The following ANK2 variants were observed in gnomAD, a reference collection of about 807,000 sequenced individuals.
ANK2 encodes the protein ankyrin 2.
Under a neutral mutation model 360.5 loss-of-function variants are expected in ANK2, and 83 were observed. That is an observed-to-expected ratio of 0.23 (90% CI 0.19 to 0.28). The LOEUF (loss-of-function observed/expected upper bound fraction) is 0.28. Ranked by LOEUF, ANK2 falls within the 10% of genes least tolerant of loss-of-function variation. The pLI is 1.00. For missense variants in ANK2, 4,201 were observed against 4,795.7 expected (o/e 0.88, Z 3.66); for synonymous variants, 1,740 against 1,759.5 (o/e 0.99, Z 0.28).
intron 2 of ANK2, among the ~76,000 whole-genome samples, chr4:112,925,146 C>T (rs2092363227): frequency 2.0e-5 from 3 of 152,186 alleles, no homozygotes; most frequent in South Asian, 4.2e-4. Context: ...CCATTTATCA[C>T]CTTTTATAAT....
At chr4:112,906,137 T>C (rs753055850) in intron 2 of ANK2, among the ~76,000 whole-genome samples, 1 of 152,184 alleles carries the variant, frequency 6.6e-6, no homozygotes, top group Non-Finnish European at 1.5e-5. Context: ...GTGATTATAG[T>C]ATGATAAAGG....
intron 1 of ANK2, among the ~76,000 whole-genome samples, chr4:112,853,366 C>CTT (rs796472445): frequency 2.7e-5 from 4 of 146,594 alleles, no homozygotes; most frequent in South Asian, 2.2e-4. Context: ...CATGCCCGGC[C>CTT]TTTTTTTTTT....
At chr4:113,290,467 T>G (rs138045280) in intron 20 of ANK2, among the ~76,000 whole-genome samples, 87 of 152,320 alleles carry the variant, frequency 5.7e-4, no homozygotes, top group Admixed American at 1.2e-3. Context: ...ACTTGTTTTA[T>G]AAGACTATTT....
At chr4:113,135,279 T>A (rs976441483) in intron 1 of ANK2, among the ~76,000 whole-genome samples, 2 of 151,864 alleles carry the variant, frequency 1.3e-5, no homozygotes, top group Non-Finnish European at 1.5e-5. Flanking sequence ...AGCAAGTGAG[T>A]GTCATAGATT....
intron 1 of ANK2, among the ~76,000 whole-genome samples, chr4:112,887,256 T>TA (rs1580539029): frequency 6.6e-6 from 1 of 152,212 alleles, no homozygotes; most frequent in Non-Finnish European, 1.5e-5. Context: ...TGCTTTGACT[T>TA]ACAATTTTTC....
chr4:113,333,296 A>ATATG lies in ANK2; in HGVS notation c.3379+90_3379+93dup, dbSNP rs1554514398. 13 of 1,387,366 alleles carry ATATG rather than the reference A, an allele frequency of 9.4e-6. 1 individual carries two copies. Among genetic ancestry groups the ATATG allele is most frequent in the Non-Finnish European group, 3.0e-6 (3 of 996,300 alleles). The allele number at this position is 1,387,366 out of a possible 1,614,324, so 85.9% of individuals were successfully genotyped here. A position where few individuals can be genotyped will look rare whatever the true frequency, so the allele number is the denominator to read the frequency against. On this transcript the variant is annotated intron_variant, in intron 29 of 45. Transcript: ENST00000357077. ...TTTCTTATGACCTAGGGGTGTGTGT[A>ATATG]TATGTGTGTGTGTGTGTGTGTGTGT...
At chr4:112,832,528 T>C (rs564186498) in intron 1 of ANK2, among the ~76,000 whole-genome samples, 1 of 152,362 alleles carries the variant, frequency 6.6e-6, no homozygotes, top group African/African-American at 2.4e-5. Flanking sequence ...TAAAATTTTG[T>C]TGATATGGAT....
At chr4:113,195,445 A>C (rs938467223) in intron 2 of ANK2, among the ~76,000 whole-genome samples, 11 of 152,164 alleles carry the variant, frequency 7.2e-5, no homozygotes, top group African/African-American at 2.7e-4. Context: ...TCAAAATCCA[A>C]AAACATTTAT....
chr4:112,864,248 T>G (rs189768803), intron 1 of ANK2, among the ~76,000 whole-genome samples: 77 of 152,366 alleles, frequency 5.1e-4, no homozygotes, highest in Admixed American at 1.7e-3. Context: ...TGCCATCTCT[T>G]ATCACTATGA....
the ANK2 span, among the ~76,000 whole-genome samples, chr4:112,783,337 G>C: frequency 1.3e-5 from 2 of 152,140 alleles, no homozygotes; most frequent in African/African-American, 4.8e-5. Flanking sequence ...CTTATATGTT[G>C]GGCTGGAACA....
At chr4:113,258,606 T>C (rs1354967166) in intron 13 of ANK2, among the ~76,000 whole-genome samples, 195 bp downstream of exon 13, 3 of 152,128 alleles carry the variant, frequency 2.0e-5, no homozygotes, top group Non-Finnish European at 4.4e-5. Context: ...GTAAGAGGTG[T>C]TATAAAGTAA....
At chr4:113,127,665 A>G (rs1255207384) in intron 1 of ANK2, among the ~76,000 whole-genome samples, 2 of 152,132 alleles carry the variant, frequency 1.3e-5, no homozygotes, top group Non-Finnish European at 1.5e-5. Flanking sequence ...TGGCATGATC[A>G]AAGTGGAAGG....
intron 2 of ANK2, among the ~76,000 whole-genome samples, chr4:112,996,943 G>A (rs2048756132): frequency 6.6e-6 from 1 of 151,656 alleles, no homozygotes; most frequent in African/African-American, 2.4e-5. Flanking sequence ...TTCTCCCTAT[G>A]TCCATGAATT....
intron 14 of ANK2, among the ~76,000 whole-genome samples, chr4:113,269,241 C>T (rs2057516203): frequency 6.6e-6 from 1 of 152,166 alleles, no homozygotes; most frequent in African/African-American, 2.4e-5. Flanking sequence ...TGAGCTAGAC[C>T]ACTTGGCTTC....
chr4:112,739,019 C>A, the ANK2 span: 1 of 618,170 alleles, frequency 1.6e-6, no homozygotes. Flanking sequence ...AAACCAAGAA[C>A]CGCAAAGCCA....
chr4:113,084,517 G>A (rs866906808), intron 1 of ANK2, among the ~76,000 whole-genome samples: 7 of 152,350 alleles, frequency 4.6e-5, no homozygotes, highest in Middle Eastern at 6.8e-3. Context: ...AGATGTTATA[G>A]CATCAAGTAG....
At chr4:112,790,993 C>T in the ANK2 span, among the ~76,000 whole-genome samples, 1 of 152,114 alleles carries the variant, frequency 6.6e-6, no homozygotes. Flanking sequence ...AGACAGTGCT[C>T]AAAGGATATG....
At chr4:113,317,199 A>G (rs1053970639) in intron 24 of ANK2, among the ~76,000 whole-genome samples, 5 of 152,202 alleles carry the variant, frequency 3.3e-5, no homozygotes, top group Non-Finnish European at 5.9e-5. Flanking sequence ...AGTCATTCAC[A>G]GTTTAGAGAG....
chr4:112,982,632 A>G (rs1331676832), intron 2 of ANK2, among the ~76,000 whole-genome samples: 2 of 152,202 alleles, frequency 1.3e-5, no homozygotes, highest in South Asian at 4.1e-4. Context: ...GAGAGCTAAC[A>G]AGAGATTAGA....
Sources: allele counts gnomAD v4.1 joint callset (sites outside exome capture counted in the v4.1 genomes callset), GRCh38; gene constraint gnomAD v4.1.1; transcripts MANE v1.5; gene names NCBI Gene and HGNC (gene_info 2026-07-23, HGNC 2026-07-21).